FGF12: variants seen among roughly 807,000 people sequenced by gnomAD.
FGF12 encodes fibroblast growth factor 12.
A neutral mutation model predicts 23.6 loss-of-function variants in FGF12; 14 were observed. That is an observed-to-expected ratio of 0.59 (90% CI 0.39 to 0.93). The LOEUF (loss-of-function observed/expected upper bound fraction) is 0.93, where lower values mean the gene tolerates loss of function less well. Ranked by LOEUF, FGF12 falls within the 40% of genes least tolerant of loss-of-function variation. The pLI is 0.00. For missense variants in FGF12, 175 were observed against 217.8 expected, an observed-to-expected ratio of 0.80 and a Z score of 1.24; for synonymous variants, 62 against 77.3, an observed-to-expected ratio of 0.80 and a Z score of 1.04.
intron 4 of FGF12, among the ~76,000 whole-genome samples, chr3:192,272,565 A>G (rs1207711481): frequency 6.6e-6 from 1 of 152,196 alleles, no homozygotes; most frequent in Non-Finnish European, 1.5e-5. Context: ...GGGCTCTATG[A>G]CTATATGATA....
At chr3:192,632,382 A>G (rs1715421583) in intron 2 of FGF12, among the ~76,000 whole-genome samples, 1 of 152,220 alleles carries the variant, frequency 6.6e-6, no homozygotes, top group Non-Finnish European at 1.5e-5. Flanking sequence ...AAATGCATTA[A>G]TCATCTCATT....
chr3:192,324,803 A>G (rs1467177064), intron 4 of FGF12, among the ~76,000 whole-genome samples: 3 of 152,206 alleles, frequency 2.0e-5, no homozygotes, highest in Non-Finnish European at 4.4e-5. Context: ...AGAAAAATAT[A>G]AAATCTGGCA....
intron 4 of FGF12, among the ~76,000 whole-genome samples, chr3:192,235,504 A>G (rs1052996034): frequency 4.6e-5 from 7 of 152,032 alleles, no homozygotes; most frequent in African/African-American, 1.7e-4. Context: ...TTGTGTTTTT[A>G]GCAGAGATGG....
intron 4 of FGF12, among the ~76,000 whole-genome samples, chr3:192,263,780 A>G (rs1028510981): frequency 1.3e-5 from 2 of 152,102 alleles, no homozygotes. Context: ...CTAATACCAT[A>G]TATGAAAACT....
chr3:192,451,862 C>T (rs73066299), intron 2 of FGF12, among the ~76,000 whole-genome samples: 7,238 of 152,254 alleles, frequency 0.048, 594 homozygotes, highest in African/African-American at 0.16. Context: ...CTAGGCTAAA[C>T]ATTGCTGCTA....
chr3:192,717,947 GCTT>G (rs1313136337), intron 2 of FGF12, among the ~76,000 whole-genome samples: 1 of 152,096 alleles, frequency 6.6e-6, no homozygotes, highest in African/African-American at 2.4e-5. Flanking sequence ...GGTAGAAAAT[GCTT>G]CTTCTATCTA....
At position 192,485,616 on chromosome 3, in the gene FGF12, AT is replaced by A. The variant is rs372636256; in HGVS notation, c.14-125079del. On this transcript the variant is annotated intron_variant, in intron 2 of 5. Coordinates refer to ENST00000445105, the MANE Select transcript of FGF12 (RefSeq NM_004113.6). Reference sequence around the variant, plus strand: ...GCTGTCTTATTAACTGTCTTCCAAAATTTTTTTTAGTGATATCATTACATTT... The same window carrying A: ...GCTGTCTTATTAACTGTCTTCCAAAATTTTTTTAGTGATATCATTACATTT... 2.6e-5 allele frequency among the ~76,000 whole-genome samples: 4 copies of A among 152,056 alleles called. No homozygotes were observed. The East Asian group carries it at 5.8e-4, about 22-fold the overall frequency.
intron 2 of FGF12, among the ~76,000 whole-genome samples, chr3:192,669,037 A>T (rs570312110): frequency 6.6e-6 from 1 of 152,348 alleles, no homozygotes; most frequent in African/African-American, 2.4e-5. Context: ...TAGGTATTTT[A>T]AAAATTGTTA....
intron 2 of FGF12, among the ~76,000 whole-genome samples, chr3:192,665,889 A>C (rs910332469): frequency 2.6e-5 from 4 of 152,372 alleles, no homozygotes; most frequent in Non-Finnish European, 5.9e-5. Context: ...AAGACCTTTC[A>C]TGAAGAAGAC....
intron 2 of FGF12, among the ~76,000 whole-genome samples, chr3:192,464,684 G>A (rs1049528701): frequency 1.3e-5 from 2 of 152,146 alleles, no homozygotes; most frequent in Non-Finnish European, 2.9e-5. Flanking sequence ...TAGATACCTA[G>A]TAGCAGGATT....
intron 2 of FGF12, among the ~76,000 whole-genome samples, chr3:192,445,781 A>T (rs1482363097): frequency 6.6e-6 from 1 of 152,186 alleles, no homozygotes; most frequent in South Asian, 2.1e-4. Flanking sequence ...CCAAGCAAAA[A>T]GATTGGCAGC....
intron 2 of FGF12, among the ~76,000 whole-genome samples, chr3:192,576,197 G>A (rs976358908): frequency 6.6e-6 from 1 of 152,068 alleles, no homozygotes; most frequent in Non-Finnish European, 1.5e-5. Flanking sequence ...TGTTGCCTTT[G>A]GGTTAGAAAA....
At chr3:192,651,518 CAAAAAAT>C (rs1716214775) in intron 2 of FGF12, among the ~76,000 whole-genome samples, 2 of 151,622 alleles carry the variant, frequency 1.3e-5, no homozygotes, top group Admixed American at 6.6e-5. Context: ...CCTTTGAAGA[CAAAAAAT>C]AAAAAATAAA....
intron 2 of FGF12, among the ~76,000 whole-genome samples, chr3:192,480,959 G>A (rs1484032922): frequency 2.0e-5 from 3 of 152,104 alleles, no homozygotes; most frequent in African/African-American, 7.2e-5. Flanking sequence ...AATCAAAGAA[G>A]GCTCCATTAT....
rs780383448 is a variant in FGF12 at position 192,472,266 on chromosome 3, G to A, written c.14-111728C>T. Reference sequence around the variant, plus strand: ...CTCCTGACCTCGGGATCTGCCCGCCGCGGCCTCCCAAAGTACTGGGATTAC... The same window carrying A: ...CTCCTGACCTCGGGATCTGCCCGCCACGGCCTCCCAAAGTACTGGGATTAC... On this transcript the variant is annotated intron_variant, in intron 2 of 5. Coordinates refer to ENST00000445105, the MANE Select transcript of FGF12 (RefSeq NM_004113.6). Among the ~76,000 whole-genome samples the A allele has an allele frequency of 3.3e-5, 5 of 151,958 alleles. No individual in the cohort carries two copies. In the East Asian group the frequency reaches 7.8e-4, roughly 24 times the overall value.
Position 192,500,607 on chromosome 3 carries a change from A to G in FGF12, c.14-140069T>C, listed in dbSNP as rs115623820. Reference sequence around the variant, plus strand: ...GCTTCTGAGACTAATCCAACTCTGAACACAGAATGTTTTTTTCTAGTTAAC... The same window carrying G: ...GCTTCTGAGACTAATCCAACTCTGAGCACAGAATGTTTTTTTCTAGTTAAC... On this transcript the variant is annotated intron_variant, in intron 2 of 5. Coordinates refer to ENST00000445105, the MANE Select transcript of FGF12 (RefSeq NM_004113.6). 3.9e-3 allele frequency among the ~76,000 whole-genome samples: 588 copies of G among 152,302 alleles called. 3 individuals carry two copies. Among genetic ancestry groups the G allele is most frequent in the African/African-American group, 0.014 (572 of 41,560 alleles).
intron 2 of FGF12, among the ~76,000 whole-genome samples, chr3:192,365,168 A>T (rs1718917291): frequency 6.6e-6 from 1 of 152,082 alleles, no homozygotes; most frequent in African/African-American, 2.4e-5. Flanking sequence ...CCTTGATGTG[A>T]TTACTATGCA....
intron 2 of FGF12, among the ~76,000 whole-genome samples, chr3:192,552,198 A>C (rs1378039430): frequency 6.6e-6 from 1 of 152,082 alleles, no homozygotes; most frequent in Non-Finnish European, 1.5e-5. Context: ...GAATTTGAAA[A>C]CATGTGAATA....
chr3:192,320,141 C>G (rs1312731180), intron 4 of FGF12, among the ~76,000 whole-genome samples: 1 of 151,846 alleles, frequency 6.6e-6, no homozygotes, highest in Admixed American at 6.6e-5. Context: ...TAGACAGATA[C>G]AAAGATGGAA....
Sources: gnomAD v4.1 joint callset for allele counts (sites outside exome capture counted in the v4.1 genomes callset) on GRCh38, gnomAD v4.1.1 for gene constraint, MANE v1.5 for transcripts, NCBI Gene and HGNC (gene_info 2026-07-23, HGNC 2026-07-21) for gene names.